RANBP2: variants seen among roughly 807,000 people sequenced by gnomAD.
RANBP2 encodes the protein E3 SUMO-protein ligase RanBP2.
A neutral mutation model predicts 303.6 loss-of-function variants in RANBP2; 57 were observed. The ratio of observed to expected loss-of-function variants is 0.19; its 90% CI spans 0.15 to 0.23. The LOEUF (loss-of-function observed/expected upper bound fraction) is 0.23. RANBP2 is among the 10% of genes least tolerant of loss of function. The pLI is 1.00. For missense variants in RANBP2, 3,138 were observed against 3,780.8 expected (o/e 0.83, Z 4.46); for synonymous variants, 1,167 against 1,301.5 (o/e 0.90, Z 2.23).
chr2:109,713,623 GT>G, the RANBP2 span, among the ~76,000 whole-genome samples: 1 of 152,222 alleles, frequency 6.6e-6, no homozygotes, highest in African/African-American at 2.4e-5. Flanking sequence ...CTCTGCAGAA[GT>G]GGTCGTGGTC....
the RANBP2 span, among the ~76,000 whole-genome samples, chr2:109,460,480 G>A: frequency 6.6e-6 from 1 of 152,134 alleles, no homozygotes; most frequent in Non-Finnish European, 1.5e-5. Context: ...CTGAGCCCAT[G>A]CATCACCTCC....
At chr2:108,772,709 C>T (rs963215652) in intron 22 of RANBP2, 128 bp downstream of exon 22, 17 of 1,224,422 alleles carry the variant, frequency 1.4e-5, no homozygotes, top group Non-Finnish European at 2.3e-6. Flanking sequence ...AAACTTAAAA[C>T]TAACAGGTGA....
the RANBP2 span, among the ~76,000 whole-genome samples, chr2:108,996,782 A>C: frequency 6.6e-6 from 1 of 151,894 alleles, no homozygotes; most frequent in Non-Finnish European, 1.5e-5. Context: ...TGCTCATGTC[A>C]CATCTGATGC....
At chr2:109,343,236 T>C in the RANBP2 span, among the ~76,000 whole-genome samples, 1 of 152,226 alleles carries the variant, frequency 6.6e-6, no homozygotes, top group African/African-American at 2.4e-5. Flanking sequence ...GTTAATCTTA[T>C]AAAGGGCTTT....
chr2:109,674,234 T>C, the RANBP2 span, among the ~76,000 whole-genome samples: 2 of 151,582 alleles, frequency 1.3e-5, no homozygotes, highest in Non-Finnish European at 2.9e-5. Context: ...TGCTTGAATT[T>C]AACAACCCCC....
chr2:109,245,903 T>C, the RANBP2 span, among the ~76,000 whole-genome samples: 3 of 152,184 alleles, frequency 2.0e-5, no homozygotes, highest in Non-Finnish European at 4.4e-5. Flanking sequence ...ATCCCGGGCA[T>C]CATTTACTGG....
chr2:108,763,501 G>A lies in RANBP2; in HGVS notation c.2962G>A (p.Ala988Thr), dbSNP rs566735406. 4 of 1,614,094 alleles carry A rather than the reference G, an allele frequency of 2.5e-6. No individual in the cohort carries two copies. The South Asian group carries it at 3.3e-5, about 13-fold the overall frequency. ...PGYFTKPPIA[A>T]HASRSAESKT... ...ATATTTCACAAAACCTCCGATTGCA[G>A]CTCATGCTTCAAGATCTGCAGAATC... The change falls in exon 20 of 29, where the codon GCT (alanine) becomes ACT (threonine). Residue 988 changes from alanine to threonine, a missense_variant. Physicochemically the swap from Ala to Thr is moderately conservative, Grantham distance 58. Coordinates refer to ENST00000283195, the MANE Select transcript of RANBP2 (RefSeq NM_006267.5).
chr2:108,822,215 G>A, the RANBP2 span, among the ~76,000 whole-genome samples: 1 of 151,942 alleles, frequency 6.6e-6, no homozygotes, highest in South Asian at 2.1e-4. Context: ...AGAGACAAAG[G>A]ACACTATATA....
the RANBP2 span, among the ~76,000 whole-genome samples, chr2:109,050,037 T>C: frequency 6.6e-6 from 1 of 152,144 alleles, no homozygotes; most frequent in Non-Finnish European, 1.5e-5. Context: ...TGGTGGCCAC[T>C]AGCTTGCCAC....
chr2:109,257,549 C>T, the RANBP2 span, among the ~76,000 whole-genome samples: 1 of 152,054 alleles, frequency 6.6e-6, no homozygotes, highest in East Asian at 1.9e-4. Context: ...AAACTGTGGC[C>T]CAAGTTCGTG....
chr2:108,851,635 A>C, the RANBP2 span, among the ~76,000 whole-genome samples: 23 of 152,090 alleles, frequency 1.5e-4, no homozygotes, highest in African/African-American at 5.3e-4. Flanking sequence ...GCTTCCTGAC[A>C]TCACAATTCT....
At chr2:109,300,971 G>A in the RANBP2 span, among the ~76,000 whole-genome samples, 4 of 152,234 alleles carry the variant, frequency 2.6e-5, no homozygotes, top group Admixed American at 1.3e-4. Context: ...TGCTGGTGCC[G>A]ACTAGCCTTG....
At chr2:109,437,705 A>T in the RANBP2 span, among the ~76,000 whole-genome samples, 1 of 151,040 alleles carries the variant, frequency 6.6e-6, no homozygotes, top group Non-Finnish European at 1.5e-5. Context: ...CTTCGCCTTC[A>T]TGGCAGCTGG....
chr2:108,853,661 G>A, the RANBP2 span, among the ~76,000 whole-genome samples: 1 of 149,484 alleles, frequency 6.7e-6, no homozygotes, highest in Admixed American at 6.8e-5. Context: ...CAAGTAGCTG[G>A]GACTACAGGC....
At chr2:108,822,651 T>C in the RANBP2 span, among the ~76,000 whole-genome samples, 1 of 152,170 alleles carries the variant, frequency 6.6e-6, no homozygotes, top group Non-Finnish European at 1.5e-5. Flanking sequence ...AGGATAACTA[T>C]AAAATCCACA....
the RANBP2 span, among the ~76,000 whole-genome samples, chr2:109,296,245 G>C: frequency 6.7e-6 from 1 of 149,124 alleles, no homozygotes; most frequent in Non-Finnish European, 1.5e-5. Context: ...ATTATTATTC[G>C]AGATGGAGTT....
chr2:109,467,021 T>C, the RANBP2 span, among the ~76,000 whole-genome samples: 1 of 152,220 alleles, frequency 6.6e-6, no homozygotes, highest in Non-Finnish European at 1.5e-5. Flanking sequence ...TTTAAAGGGT[T>C]AGGCTGAGAA....
chr2:109,663,549 C>T, the RANBP2 span, among the ~76,000 whole-genome samples: 348 of 152,266 alleles, frequency 2.3e-3, 2 homozygotes, highest in Middle Eastern at 3.4e-3. Flanking sequence ...TCACAGTTTG[C>T]TAAATAACTG....
At chr2:108,853,996 TTTATA>T in the RANBP2 span, among the ~76,000 whole-genome samples, 1 of 10,382 alleles carries the variant, frequency 9.6e-5, no homozygotes, top group Non-Finnish European at 3.5e-4. Context: ...ATATAATAAA[TTTATA>T]TTATATATAA....
Sources: allele counts gnomAD v4.1 joint callset (sites outside exome capture counted in the v4.1 genomes callset), GRCh38; gene constraint gnomAD v4.1.1; transcripts MANE v1.5; gene names NCBI Gene and HGNC (gene_info 2026-07-23, HGNC 2026-07-21).